ATP8B4: variants seen among roughly 807,000 people sequenced by gnomAD.
ATP8B4 encodes the protein ATPase phospholipid transporting 8B4 (putative), also known as probable phospholipid-transporting ATPase IM.
A neutral mutation model predicts 145.6 loss-of-function variants in ATP8B4; 133 were observed. That is an observed-to-expected ratio of 0.91 (90% CI 0.79 to 1.05). The LOEUF (loss-of-function observed/expected upper bound fraction) is 1.05, where lower values mean the gene tolerates loss of function less well. Ranked by LOEUF, ATP8B4 falls within the 50% of genes least tolerant of loss-of-function variation. ATP8B4 has a pLI of 0.00. For synonymous variants in ATP8B4, 507 were observed against 492.9 expected, an observed-to-expected ratio of 1.03 and a Z score of -0.38; for missense variants, 1,458 against 1,425.2, an observed-to-expected ratio of 1.02 and a Z score of -0.37.
In ATP8B4 at chr15:49,911,982, A is replaced by G. The variant is rs116318838; in HGVS notation, c.2141+4952T>C. On this transcript the variant is annotated intron_variant, in intron 20 of 27. Transcript: ENST00000284509. ...TGAAAATGAAAAGATTTCCTCAAAC[A>G]TATGAAAATGGAAACAAAACATACC... is the stretch of plus-strand genomic sequence containing the variant. Among the ~76,000 whole-genome samples the G allele has an allele frequency of 4.7e-3, 723 of 152,312 alleles. 8 individuals are homozygous for G. Among genetic ancestry groups the G allele is most frequent in the African/African-American group, 0.017 (689 of 41,572 alleles).
chr15:50,024,102 C>T (rs2049824314), intron 6 of ATP8B4, among the ~76,000 whole-genome samples: 1 of 152,170 alleles, frequency 6.6e-6, no homozygotes, highest in Admixed American at 6.5e-5. Context: ...AAAAGTTATG[C>T]ATCTAGCAGT....
At chr15:50,091,082 A>C (rs1390061314) in intron 2 of ATP8B4, among the ~76,000 whole-genome samples, 1 of 152,194 alleles carries the variant, frequency 6.6e-6, no homozygotes, top group Non-Finnish European at 1.5e-5. Context: ...TTAAGATTTC[A>C]TTCTGCCATC....
At chr15:49,874,706 A>G (rs1373365191) in intron 25 of ATP8B4, among the ~76,000 whole-genome samples, 2 of 152,176 alleles carry the variant, frequency 1.3e-5, no homozygotes, top group Non-Finnish European at 2.9e-5. Flanking sequence ...TCAAAAGTTT[A>G]TTTTAAAAAC....
At chr15:50,014,535 C>T (rs1032783142) in intron 6 of ATP8B4, among the ~76,000 whole-genome samples, 1 of 152,136 alleles carries the variant, frequency 6.6e-6, no homozygotes, top group African/African-American at 2.4e-5. Flanking sequence ...ATTCCAGGGA[C>T]TGTACTGATC....
intron 14 of ATP8B4, among the ~76,000 whole-genome samples, chr15:49,938,247 G>T (rs1198328884): frequency 2.0e-5 from 3 of 152,088 alleles, no homozygotes; most frequent in Non-Finnish European, 4.4e-5. Flanking sequence ...AAAGCAACCA[G>T]CTGACAGTTT....
At chr15:49,966,122 C>A (rs1485588474) in intron 13 of ATP8B4, among the ~76,000 whole-genome samples, 2 of 152,244 alleles carry the variant, frequency 1.3e-5, no homozygotes, top group Non-Finnish European at 2.9e-5. Context: ...TCTTCACAAC[C>A]CGCAGAGCAG....
intron 13 of ATP8B4, among the ~76,000 whole-genome samples, chr15:49,971,157 C>A (rs1207532577): frequency 6.6e-6 from 1 of 152,148 alleles, no homozygotes; most frequent in Non-Finnish European, 1.5e-5. Flanking sequence ...AGACCTAAAA[C>A]CATAAAAACC....
At chr15:49,945,477 T>C (rs1026867981) in intron 14 of ATP8B4, among the ~76,000 whole-genome samples, 4 of 152,076 alleles carry the variant, frequency 2.6e-5, no homozygotes, top group Non-Finnish European at 5.9e-5. Flanking sequence ...TCCAAAAAAA[T>C]TGATCAAGAG....
chr15:50,150,621 A>C (rs1414776681), intron 1 of ATP8B4, among the ~76,000 whole-genome samples: 2 of 152,238 alleles, frequency 1.3e-5, no homozygotes, highest in Non-Finnish European at 2.9e-5. Context: ...CGAAGCTCTC[A>C]GGCTAGCCTA....
chr15:50,132,660 GAT>G (rs1438453338), intron 1 of ATP8B4, among the ~76,000 whole-genome samples: 1 of 152,174 alleles, frequency 6.6e-6, no homozygotes, highest in African/African-American at 2.4e-5. Context: ...CACAGGCACA[GAT>G]ATGTTTACTG....
intron 23 of ATP8B4, among the ~76,000 whole-genome samples, chr15:49,892,758 T>G (rs1458389385): frequency 6.6e-6 from 1 of 152,228 alleles, no homozygotes; most frequent in Non-Finnish European, 1.5e-5. Flanking sequence ...CACAATTGAT[T>G]GTAAGAAATA....
chr15:50,038,588 C>T (rs903986126), intron 6 of ATP8B4, among the ~76,000 whole-genome samples, 180 bp downstream of exon 6: 9 of 151,888 alleles, frequency 5.9e-5, no homozygotes, highest in Non-Finnish European at 2.9e-5. Flanking sequence ...GTGAGTAGCA[C>T]AAGCATTTGC....
intron 10 of ATP8B4, among the ~76,000 whole-genome samples, chr15:49,986,488 C>A (rs60008310): frequency 2.0e-5 from 3 of 152,178 alleles, no homozygotes; most frequent in Non-Finnish European, 4.4e-5. Flanking sequence ...TGGCAATGCC[C>A]CAAGCGGCAA....
intron 3 of ATP8B4, among the ~76,000 whole-genome samples, chr15:50,051,586 A>G (rs2052191273): frequency 6.6e-6 from 1 of 152,248 alleles, no homozygotes; most frequent in Non-Finnish European, 1.5e-5. Context: ...ACTGCAAAAT[A>G]GGGTGTTGGT....
At chr15:49,917,341 G>A in intron 19 of ATP8B4, 1 of 291,476 alleles carries the variant, frequency 3.4e-6, no homozygotes, top group Non-Finnish European at 6.3e-6. Context: ...ATGAAAATAA[G>A]ATCTTGTGAC....
At chr15:50,023,806 GAA>G (rs57474721) in intron 6 of ATP8B4, among the ~76,000 whole-genome samples, 88 of 107,022 alleles carry the variant, frequency 8.2e-4, no homozygotes, top group East Asian at 5.2e-3. Flanking sequence ...AGAAAAAAAA[GAA>G]AAAAAAAAAG....
chr15:49,934,849 GC>G (rs2153471186), intron 14 of ATP8B4, among the ~76,000 whole-genome samples: 1 of 152,150 alleles, frequency 6.6e-6, no homozygotes, highest in East Asian at 1.9e-4. Flanking sequence ...ACATATAAGA[GC>G]TTTATCAGCT....
intron 6 of ATP8B4, among the ~76,000 whole-genome samples, chr15:50,017,981 CT>C (rs1297436745): frequency 2.4e-5 from 2 of 84,568 alleles, no homozygotes; most frequent in African/African-American, 9.7e-5. Flanking sequence ...AAGTCGAATT[CT>C]TTTTTTTTCT....
intron 6 of ATP8B4, among the ~76,000 whole-genome samples, chr15:50,035,733 C>A (rs2050785862): frequency 6.6e-6 from 1 of 152,214 alleles, no homozygotes; most frequent in African/African-American, 2.4e-5. Context: ...CAAAGTCACA[C>A]AGTAATCACT....
Sources: gnomAD v4.1 joint callset for allele counts (sites outside exome capture counted in the v4.1 genomes callset) on GRCh38, gnomAD v4.1.1 for gene constraint, MANE v1.5 for transcripts, NCBI Gene and HGNC (gene_info 2026-07-23, HGNC 2026-07-21) for gene names.